DPH6: variants seen among roughly 807,000 people sequenced by gnomAD.
The protein encoded by DPH6 is diphthine--ammonia ligase.
A neutral mutation model predicts 38.2 loss-of-function variants in DPH6; 33 were observed. The ratio of observed to expected loss-of-function variants is 0.86; its 90% CI spans 0.65 to 1.15. DPH6 has a LOEUF of 1.15. Among genes scored for constraint, DPH6 ranks in the 50% most tolerant of loss-of-function variants. The probability of loss-of-function intolerance (pLI) is 0.00; values close to 1 mark genes in which losing one functional copy is unlikely to be tolerated. For missense variants in DPH6, 325 were observed against 320.0 expected (o/e 1.02, Z -0.12); for synonymous variants, 108 against 103.0 (o/e 1.05, Z -0.30).
At chr15:35,398,791 G>C (rs2053180238) in intron 6 of DPH6, among the ~76,000 whole-genome samples, 2 of 152,184 alleles carry the variant, frequency 1.3e-5, no homozygotes, top group South Asian at 4.2e-4. Flanking sequence ...TGAAGTGGTG[G>C]CAGTCTTGTA....
downstream of DPH6, among the ~76,000 whole-genome samples, chr15:35,326,981 G>C (rs905326755): frequency 6.6e-6 from 1 of 152,106 alleles, no homozygotes; most frequent in East Asian, 1.9e-4. Context: ...TATTAGAGTG[G>C]GAGTGTGGCA....
chr15:35,457,765 C>T (rs1038498246), intron 3 of DPH6, among the ~76,000 whole-genome samples: 1 of 152,202 alleles, frequency 6.6e-6, no homozygotes, highest in Non-Finnish European at 1.5e-5. Flanking sequence ...TAAAATAATT[C>T]AGGCAAATAA....
At chr15:35,497,923 C>A (rs188458922) in intron 3 of DPH6, among the ~76,000 whole-genome samples, 1 of 151,960 alleles carries the variant, frequency 6.6e-6, no homozygotes, top group Admixed American at 6.6e-5. Context: ...GATAACAAAC[C>A]GAAAGATTCC....
chr15:35,374,587 C>A (rs184578599), intron 7 of DPH6, among the ~76,000 whole-genome samples: 1 of 152,108 alleles, frequency 6.6e-6, no homozygotes, highest in South Asian at 2.1e-4. Flanking sequence ...GAAAAAAGTA[C>A]GTTTGATGAT....
At chr15:35,516,062 C>A (rs1201725617) in intron 3 of DPH6, among the ~76,000 whole-genome samples, 1 of 152,092 alleles carries the variant, frequency 6.6e-6, no homozygotes, top group Non-Finnish European at 1.5e-5. Flanking sequence ...GAAAGCAAAG[C>A]CCAAAGCAGA....
the DPH6 span, among the ~76,000 whole-genome samples, chr15:35,149,402 T>C: frequency 6.6e-6 from 1 of 152,140 alleles, no homozygotes; most frequent in Non-Finnish European, 1.5e-5. Flanking sequence ...TACGCCCAGC[T>C]AATTTTTTGT....
At chr15:35,398,735 G>A (rs938726344) in intron 6 of DPH6, among the ~76,000 whole-genome samples, 1 of 152,206 alleles carries the variant, frequency 6.6e-6, no homozygotes, top group Non-Finnish European at 1.5e-5. Context: ...TTTATGGCCA[G>A]TTAGTCAGAA....
intron 3 of DPH6, among the ~76,000 whole-genome samples, chr15:35,324,123 T>C (rs571954655): frequency 2.0e-4 from 31 of 152,252 alleles, no homozygotes; most frequent in East Asian, 5.8e-4. Context: ...GGGATAATAA[T>C]AGTACATAAT....
the DPH6 span, among the ~76,000 whole-genome samples, chr15:35,186,032 C>T: frequency 3.9e-4 from 60 of 152,122 alleles, 2 homozygotes; most frequent in Non-Finnish European, 8.8e-5. Context: ...CTGCGCCCGG[C>T]CCCCAGTCCA....
intron 5 of DPH6, 143 bp from the exon 6 acceptor site, chr15:35,411,039 TTGCTAG>T: frequency 1.5e-6 from 1 of 654,392 alleles, no homozygotes; most frequent in Non-Finnish European, 2.4e-6. Context: ...AAAATGTACT[TTGCTAG>T]TATTTACTTT....
At chr15:35,523,371 C>T (rs2054951820) in intron 3 of DPH6, among the ~76,000 whole-genome samples, 1 of 151,242 alleles carries the variant, frequency 6.6e-6, no homozygotes, top group African/African-American at 2.4e-5. Context: ...AGGAATTCCC[C>T]ATTGAATACT....
downstream of DPH6, among the ~76,000 whole-genome samples, chr15:35,368,123 A>G (rs2052676532): frequency 6.6e-6 from 1 of 151,990 alleles, no homozygotes; most frequent in Non-Finnish European, 1.5e-5. Flanking sequence ...TTGCAACAAG[A>G]AAGGAAGAGA....
Position 35,383,603 on chromosome 15 carries a change from CCTTT to C in DPH6, c.568-1691_568-1688del, listed in dbSNP as rs553853289. ...AAATGAATAGGCACAATGTCTTCTC[CCTTT>C]CTATTACTGATTCACCAGTATTGAC... On this transcript the variant is annotated intron_variant, in intron 6 of 8. Coordinates refer to ENST00000256538, the MANE Select transcript of DPH6 (RefSeq NM_080650.4). Among the ~76,000 whole-genome samples the C allele has an allele frequency of 5.8e-4, 89 of 152,300 alleles. 1 individual carries two copies. Among genetic ancestry groups the C allele is most frequent in the Non-Finnish European group, 1.2e-3 (81 of 68,030 alleles).
chr15:35,328,120 T>A (rs868262545), downstream of DPH6, among the ~76,000 whole-genome samples: 1 of 152,122 alleles, frequency 6.6e-6, no homozygotes, highest in African/African-American at 2.4e-5. Flanking sequence ...TATATATATA[T>A]AAATTAATGA....
intron 3 of DPH6, among the ~76,000 whole-genome samples, chr15:35,356,520 A>T (rs2052561750): frequency 6.6e-6 from 1 of 152,182 alleles, no homozygotes; most frequent in Non-Finnish European, 1.5e-5. Context: ...CCTCAGCTGC[A>T]GGTCTGTTGG....
At chr15:35,150,186 T>C in the DPH6 span, among the ~76,000 whole-genome samples, 2 of 152,226 alleles carry the variant, frequency 1.3e-5, no homozygotes, top group African/African-American at 4.8e-5. Flanking sequence ...GTAAATGTTA[T>C]TTTCAATTGA....
At chr15:35,259,667 C>T (rs2140416648) in intron 3 of DPH6, among the ~76,000 whole-genome samples, 1 of 152,306 alleles carries the variant, frequency 6.6e-6, no homozygotes, top group South Asian at 2.1e-4. Flanking sequence ...GAAGTAAGCT[C>T]CTCCCCACCT....
intron 3 of DPH6, among the ~76,000 whole-genome samples, chr15:35,524,292 C>T (rs2141243430): frequency 6.6e-6 from 1 of 152,168 alleles, no homozygotes; most frequent in South Asian, 2.1e-4. Context: ...GAACAAAACA[C>T]TTCATGGACT....
chr15:35,156,316 TAA>T, the DPH6 span, among the ~76,000 whole-genome samples: 1 of 152,210 alleles, frequency 6.6e-6, no homozygotes, highest in African/African-American at 2.4e-5. Flanking sequence ...TTTCAAAGCA[TAA>T]ACTAAATGTT....
Sources: gnomAD v4.1 joint callset for allele counts (sites outside exome capture counted in the v4.1 genomes callset) on GRCh38, gnomAD v4.1.1 for gene constraint, MANE v1.5 for transcripts, NCBI Gene and HGNC (gene_info 2026-07-23, HGNC 2026-07-21) for gene names.